The following EHBP1 variants were observed in gnomAD, a reference collection of about 807,000 sequenced individuals.
EHBP1 encodes EH domain-binding protein 1.
In EHBP1, 55 loss-of-function variants were observed where a neutral mutation model predicts 144.0. The ratio of observed to expected loss-of-function variants is 0.38; its 90% CI spans 0.31 to 0.48. The LOEUF (loss-of-function observed/expected upper bound fraction) is 0.48. Ranked by LOEUF, EHBP1 falls within the 20% of genes least tolerant of loss-of-function variation. EHBP1 has a pLI of 0.98. For synonymous variants in EHBP1, 469 were observed against 472.7 expected, an observed-to-expected ratio of 0.99 and a Z score of 0.10; for missense variants, 1,200 against 1,364.2, an observed-to-expected ratio of 0.88 and a Z score of 1.90.
In EHBP1 at chr2:62,836,150, C is replaced by T. The variant is rs1403130432; in HGVS notation, c.634+4992C>T. On this transcript the variant is annotated intron_variant, in intron 7 of 22. Transcript: ENST00000431489. Reference sequence around the variant, plus strand: ...CAGCACGCAGCTGGAGATCTGAGAACCGGCAGACTGCCTCCTCAAATGGGT... The same window carrying T: ...CAGCACGCAGCTGGAGATCTGAGAATCGGCAGACTGCCTCCTCAAATGGGT... Among the ~76,000 whole-genome samples, 115 of 152,258 alleles carry T rather than the reference C, an allele frequency of 7.6e-4. 2 individuals are homozygous for T. Among genetic ancestry groups the T allele is most frequent in the African/African-American group, 2.5e-3 (105 of 41,558 alleles).
intron 15 of EHBP1, chr2:62,987,868 G>T: frequency 2.2e-6 from 2 of 920,454 alleles, no homozygotes; most frequent in Non-Finnish European, 1.6e-6. Context: ...CTTCTTTAGT[G>T]TTTTGGATGA....
intron 1 of EHBP1, among the ~76,000 whole-genome samples, chr2:62,674,878 G>A (rs1182041844): frequency 6.6e-6 from 1 of 152,088 alleles, no homozygotes; most frequent in Admixed American, 6.5e-5. Context: ...TGATTCTCCT[G>A]TCTCGGTCTC....
At chr2:62,793,197 A>G (rs2043286561) in intron 5 of EHBP1, among the ~76,000 whole-genome samples, 1 of 152,120 alleles carries the variant, frequency 6.6e-6, no homozygotes, top group African/African-American at 2.4e-5. Flanking sequence ...TGCCTAGGTC[A>G]TATGAGTGCT....
intron 10 of EHBP1, among the ~76,000 whole-genome samples, chr2:62,896,513 C>T (rs2052951290): frequency 6.6e-6 from 1 of 152,094 alleles, no homozygotes; most frequent in Admixed American, 6.6e-5. Flanking sequence ...AACAAATGAA[C>T]TGTCCCTACT....
chr2:62,865,513 A>G, intron 9 of EHBP1, among the ~76,000 whole-genome samples: 1 of 152,230 alleles, frequency 6.6e-6, no homozygotes, highest in East Asian at 1.9e-4. Flanking sequence ...ATGTGTTCAT[A>G]CTGTAATCTG....
intron 15 of EHBP1, 106 bp downstream of exon 15, chr2:62,979,441 G>A (rs1389740512): frequency 8.2e-7 from 1 of 1,213,798 alleles, no homozygotes; most frequent in African/African-American, 1.5e-5. Flanking sequence ...AAAATATAAA[G>A]CTTCTAACCT....
intron 19 of EHBP1, among the ~76,000 whole-genome samples, chr2:63,027,133 C>T (rs1169916160): frequency 6.6e-6 from 1 of 152,288 alleles, no homozygotes; most frequent in Middle Eastern, 3.4e-3. Context: ...CCTGGTTCCA[C>T]CACTGACTAG....
chr2:62,760,555 G>A (rs2040686925), intron 3 of EHBP1, among the ~76,000 whole-genome samples: 1 of 152,110 alleles, frequency 6.6e-6, no homozygotes, highest in African/African-American at 2.4e-5. Context: ...AGGATTTAGA[G>A]GACCAAGCTT....
chr2:62,908,137 C>T (rs1264428138), intron 10 of EHBP1, among the ~76,000 whole-genome samples: 4 of 152,050 alleles, frequency 2.6e-5, no homozygotes, highest in Non-Finnish European at 5.9e-5. Context: ...TCTATAATAG[C>T]GGTATTTAGG....
At chr2:62,871,883 T>A (rs1266140282) in intron 9 of EHBP1, among the ~76,000 whole-genome samples, 1 of 152,208 alleles carries the variant, frequency 6.6e-6, no homozygotes, top group Admixed American at 6.5e-5. Flanking sequence ...AATTCAACTC[T>A]TCTAGTTTAT....
At chr2:62,879,174 A>C (rs1326406019) in intron 10 of EHBP1, among the ~76,000 whole-genome samples, 4 of 152,200 alleles carry the variant, frequency 2.6e-5, no homozygotes, top group Non-Finnish European at 5.9e-5. Context: ...ACAGTTCTGC[A>C]GTTAACACCA....
chr2:62,749,689 A>C (rs1256138035), intron 3 of EHBP1, among the ~76,000 whole-genome samples: 1 of 152,104 alleles, frequency 6.6e-6, no homozygotes, highest in East Asian at 1.9e-4. Context: ...CTGGTGTGAG[A>C]TGGTATCTCA....
chr2:62,863,074 G>A (rs1453700385), intron 8 of EHBP1, among the ~76,000 whole-genome samples: 1 of 151,242 alleles, frequency 6.6e-6, no homozygotes, highest in Non-Finnish European at 1.5e-5. Context: ...CTTGAGGTCA[G>A]GAGTCCGAGA....
intron 1 of EHBP1, among the ~76,000 whole-genome samples, chr2:62,696,816 CT>C (rs963429132): frequency 1.3e-5 from 2 of 152,078 alleles, no homozygotes; most frequent in East Asian, 1.9e-4. Context: ...CACGCCTGAC[CT>C]TTTTTTCTTT....
chr2:62,886,670 G>A (rs562578069), intron 10 of EHBP1, among the ~76,000 whole-genome samples: 1 of 152,300 alleles, frequency 6.6e-6, no homozygotes, highest in African/African-American at 2.4e-5. Flanking sequence ...CAGCCTCAGT[G>A]TATCTGCTTC....
At chr2:62,872,206 T>C (rs1573827576) in intron 9 of EHBP1, 1 of 152,186 alleles carries the variant, frequency 6.6e-6, no homozygotes, top group Admixed American at 6.5e-5. Flanking sequence ...TTTTTCTTGA[T>C]GAATTATTTT....
At chr2:62,866,557 A>G (rs2050054619) in intron 9 of EHBP1, among the ~76,000 whole-genome samples, 1 of 152,218 alleles carries the variant, frequency 6.6e-6, no homozygotes, top group African/African-American at 2.4e-5. Context: ...ATTGAAATTG[A>G]ATTTATAGAG....
chr2:62,955,393 C>T (rs905657238), intron 13 of EHBP1, 124 bp from the exon 14 acceptor site: 2 of 901,336 alleles, frequency 2.2e-6, no homozygotes, highest in Non-Finnish European at 3.3e-6. Flanking sequence ...TAGGTAATCT[C>T]ATGAAGCTAC....
chr2:62,862,930 G>A (rs12617178), intron 8 of EHBP1, among the ~76,000 whole-genome samples: 123,886 of 152,068 alleles, frequency 0.81, 50,833 homozygotes, highest in African/African-American at 0.91. Flanking sequence ...AAAAAGCCTC[G>A]TGCTAAGTAC....
Sources: allele counts gnomAD v4.1 joint callset (sites outside exome capture counted in the v4.1 genomes callset), GRCh38; gene constraint gnomAD v4.1.1; transcripts MANE v1.5; gene names NCBI Gene and HGNC (gene_info 2026-07-23, HGNC 2026-07-21).